Variants in SHISA6 observed in about 807,000 individuals in gnomAD.
The protein encoded by SHISA6 is protein shisa-6.
SHISA6 carries 22 observed loss-of-function variants against 47.9 expected under a neutral mutation model. The observed-to-expected ratio is 0.46, with a 90% CI of 0.33 to 0.66. SHISA6 has a LOEUF of 0.66. Ranked by LOEUF, SHISA6 falls within the 30% of genes least tolerant of loss-of-function variation. SHISA6 has a pLI of 0.02. For synonymous variants in SHISA6, 388 were observed against 337.8 expected (o/e 1.15, Z -1.63); for missense variants, 680 against 764.6 (o/e 0.89, Z 1.30).
At chr17:11,461,668 G>C (rs1915695939) in intron 3 of SHISA6, among the ~76,000 whole-genome samples, 1 of 152,154 alleles carries the variant, frequency 6.6e-6, no homozygotes, top group Non-Finnish European at 1.5e-5. Context: ...GGCTAGTTGG[G>C]ATAATTTCAG....
At chr17:11,497,168 A>G (rs896124173) in intron 3 of SHISA6, among the ~76,000 whole-genome samples, 5 of 152,154 alleles carry the variant, frequency 3.3e-5, no homozygotes, top group Non-Finnish European at 7.3e-5. Flanking sequence ...GGAGAAGACA[A>G]GACAGTGTCA....
chr17:11,513,945 G>A (rs2071561889), intron 3 of SHISA6, among the ~76,000 whole-genome samples: 1 of 152,210 alleles, frequency 6.6e-6, no homozygotes, highest in Admixed American at 6.5e-5. Context: ...AGCTACAGAA[G>A]CAGCCCAACA....
At chr17:11,544,961 C>CAAAAA (rs374571214) in intron 3 of SHISA6, among the ~76,000 whole-genome samples, 11 of 62,650 alleles carry the variant, frequency 1.8e-4, no homozygotes, top group African/African-American at 6.3e-4. Context: ...ACTCTCTCTC[C>CAAAAA]AAAAAAAAAA....
At chr17:11,332,678 C>T (rs1240631593) in intron 2 of SHISA6, among the ~76,000 whole-genome samples, 1 of 152,158 alleles carries the variant, frequency 6.6e-6, no homozygotes, top group Non-Finnish European at 1.5e-5. Flanking sequence ...CTGGGAGCCA[C>T]CTCCTGCAGG....
intron 3 of SHISA6, among the ~76,000 whole-genome samples, chr17:11,395,662 C>A (rs532827602): frequency 2.0e-5 from 3 of 151,626 alleles, no homozygotes; most frequent in African/African-American, 7.3e-5. Context: ...GGATTACAGG[C>A]GCCCACCACC....
chr17:11,479,987 A>T lies in SHISA6; in HGVS notation c.896-71909A>T, dbSNP rs575234323. On this transcript the variant is annotated intron_variant, in intron 3 of 5. Transcript: ENST00000441885. Reference sequence around the variant, plus strand: ...TACAAGGCAGGTCTACTGGCAACGAATTCCCTCAATTTTTGTTTGTCCAAG... The same window carrying T: ...TACAAGGCAGGTCTACTGGCAACGATTTCCCTCAATTTTTGTTTGTCCAAG... Among the ~76,000 whole-genome samples the T allele has an allele frequency of 2.2e-4, 33 of 152,006 alleles. No homozygotes were observed. The South Asian group carries it at 6.5e-3, about 30-fold the overall frequency.
intron 2 of SHISA6, among the ~76,000 whole-genome samples, chr17:11,283,351 A>T (rs1001725343): frequency 6.6e-6 from 1 of 152,228 alleles, no homozygotes; most frequent in Non-Finnish European, 1.5e-5. Context: ...GGTTTAAGCA[A>T]TTTGTCTACC....
intron 1 of SHISA6, among the ~76,000 whole-genome samples, chr17:11,249,870 T>C (rs1383960186): frequency 2.0e-5 from 3 of 152,198 alleles, no homozygotes; most frequent in Non-Finnish European, 4.4e-5. Context: ...CAGCTGTCTC[T>C]GAAGGCAGGA....
intron 3 of SHISA6, among the ~76,000 whole-genome samples, chr17:11,469,888 A>G (rs1486363204): frequency 1.3e-5 from 2 of 152,188 alleles, no homozygotes; most frequent in Non-Finnish European, 2.9e-5. Flanking sequence ...CTTCAATGTA[A>G]TTGTATTTGG....
At chr17:11,294,273 A>G (rs1909661679) in intron 2 of SHISA6, among the ~76,000 whole-genome samples, 1 of 152,172 alleles carries the variant, frequency 6.6e-6, no homozygotes. Context: ...GCTCCCATAC[A>G]GTCTTCACTC....
At chr17:11,410,030 A>T (rs1486311963) in intron 3 of SHISA6, among the ~76,000 whole-genome samples, 2 of 152,222 alleles carry the variant, frequency 1.3e-5, no homozygotes, top group Non-Finnish European at 2.9e-5. Context: ...TTAATGGAAG[A>T]GTTCAGGTCT....
rs149253665 is a variant in SHISA6, at chr17:11,344,866, C to T, written c.800-34548C>T. Reference sequence around the variant, plus strand: ...ATATTCACCCTGTAGTTCTATAGAACGCTAGAAATTATTCCTCCTATCTAG... The same window carrying T: ...ATATTCACCCTGTAGTTCTATAGAATGCTAGAAATTATTCCTCCTATCTAG... On this transcript the variant is annotated intron_variant, in intron 2 of 5. Coordinates refer to ENST00000441885, the MANE Select transcript of SHISA6 (RefSeq NM_207386.4). Among the ~76,000 whole-genome samples, 77 of 152,096 alleles carry T rather than the reference C, an allele frequency of 5.1e-4. No individual in the cohort carries two copies. In the East Asian group the frequency reaches 9.5e-3, roughly 19 times the overall value.
At chr17:11,293,959 C>T (rs898849821) in intron 2 of SHISA6, among the ~76,000 whole-genome samples, 3 of 152,136 alleles carry the variant, frequency 2.0e-5, no homozygotes, top group Admixed American at 2.0e-4. Context: ...AATCTCGGCT[C>T]ACTGCAACCT....
intron 2 of SHISA6, among the ~76,000 whole-genome samples, chr17:11,342,403 C>T (rs1911564342): frequency 6.6e-6 from 1 of 151,844 alleles, no homozygotes; most frequent in Non-Finnish European, 1.5e-5. Context: ...CCAGACCAGG[C>T]CCAAGCTGGG....
rs145049034 is a variant in SHISA6 at position 11,281,980 on chromosome 17, A to C, written c.799+18454A>C. Among the ~76,000 whole-genome samples, 143 of 152,334 alleles carry C rather than the reference A, an allele frequency of 9.4e-4. 1 individual carries two copies. The highest frequency in any genetic ancestry group is 1.6e-3 in the Non-Finnish European group (111 of 68,030). ...TAAGTAAGCAATGGTCAAATGCATAAAAGTTTTTTTTTCTCTTTTAAGAGC... is the reference window on the plus strand; with the variant it reads ...TAAGTAAGCAATGGTCAAATGCATACAAGTTTTTTTTTCTCTTTTAAGAGC... On this transcript the variant is annotated intron_variant, in intron 2 of 5. Transcript: ENST00000441885.
rs542340331 is a variant in SHISA6, at chr17:11,302,258, G to T, written c.799+38732G>T. Among the ~76,000 whole-genome samples the T allele has an allele frequency of 2.6e-4, 39 of 152,292 alleles. No homozygotes were observed. In the East Asian group the frequency reaches 6.4e-3, roughly 25 times the overall value. On this transcript the variant is annotated intron_variant, in intron 2 of 5. Coordinates refer to ENST00000441885, the MANE Select transcript of SHISA6 (RefSeq NM_207386.4). The stretch of plus-strand genomic sequence containing the variant: ...TCTGAAAGAATTCAAATTTTGTCAG[G>T]CTCAGTTTCCTGACAGCAAAATTTG...
intron 3 of SHISA6, among the ~76,000 whole-genome samples, chr17:11,453,718 G>A (rs763234492): frequency 1.3e-5 from 2 of 152,064 alleles, no homozygotes; most frequent in South Asian, 2.1e-4. Context: ...AAAACTACTC[G>A]ACAAAAACGG....
chr17:11,554,393 A>G (rs1479063638), intron 4 of SHISA6, among the ~76,000 whole-genome samples: 1 of 152,050 alleles, frequency 6.6e-6, no homozygotes, highest in African/African-American at 2.4e-5. Flanking sequence ...GGGGGTGACA[A>G]TGAAGGCAGG....
At chr17:11,539,962 A>G (rs528430237) in intron 3 of SHISA6, among the ~76,000 whole-genome samples, 3 of 152,190 alleles carry the variant, frequency 2.0e-5, no homozygotes, top group Non-Finnish European at 4.4e-5. Flanking sequence ...GACTGCATGC[A>G]TATCCCCGCA....
Sources: allele counts gnomAD v4.1 joint callset (sites outside exome capture counted in the v4.1 genomes callset), GRCh38; gene constraint gnomAD v4.1.1; transcripts MANE v1.5; gene names NCBI Gene and HGNC (gene_info 2026-07-23, HGNC 2026-07-21).